Variants in WIPI1 observed in about 807,000 individuals in gnomAD.
WIPI1 encodes the protein WD repeat domain phosphoinositide-interacting protein 1.
WIPI1 carries 45 observed loss-of-function variants against 55.3 expected under a neutral mutation model. That is an observed-to-expected ratio of 0.81 (90% CI 0.64 to 1.04). The LOEUF (loss-of-function observed/expected upper bound fraction) is 1.04, where lower values mean the gene tolerates loss of function less well. Among genes scored for constraint, WIPI1 ranks in the 50% least tolerant of loss-of-function variants. The pLI is 0.00. For synonymous variants in WIPI1, 195 were observed against 217.6 expected, an observed-to-expected ratio of 0.90 and a Z score of 0.92; for missense variants, 445 against 559.0, an observed-to-expected ratio of 0.80 and a Z score of 2.06.
chr17:68,436,519 A>T (rs771370870), intron 4 of WIPI1, 40 bp from the exon 5 acceptor site: 1 of 1,589,822 alleles, frequency 6.3e-7, no homozygotes, highest in Non-Finnish European at 8.6e-7. Context: ...CCTGGGGCCA[A>T]GGGAGAGATT....
At chr17:68,434,837 C>T (rs79332103) in intron 6 of WIPI1, among the ~76,000 whole-genome samples, 96 of 152,218 alleles carry the variant, frequency 6.3e-4, no homozygotes, top group African/African-American at 2.2e-3. Context: ...TTCCCTTCCA[C>T]CTGTGCCCAA....
chr17:68,432,916 G>T (rs2083593203), intron 8 of WIPI1, among the ~76,000 whole-genome samples: 1 of 151,910 alleles, frequency 6.6e-6, no homozygotes, highest in Non-Finnish European at 1.5e-5. Context: ...CTCATTGTCT[G>T]CCCTGAAGTT....
intron 12 of WIPI1, chr17:68,422,731 C>CAAAAAAAAAAAAA (rs71142175): frequency 1.5e-5 from 1 of 66,420 alleles, no homozygotes; most frequent in Non-Finnish European, 2.6e-5. Context: ...TCTATCATCT[C>CAAAAAAAAAAAAA]AAAAAAAAAA....
chr17:68,438,245 C>CAGCCCTGT (rs1461954161), intron 4 of WIPI1, among the ~76,000 whole-genome samples: 3 of 152,158 alleles, frequency 2.0e-5, no homozygotes, highest in Non-Finnish European at 2.9e-5. Flanking sequence ...CACGTTCTGG[C>CAGCCCTGT]AGCCCTGCCA....
chr17:68,442,021 C>T (rs2084100629), intron 4 of WIPI1, among the ~76,000 whole-genome samples: 2 of 152,158 alleles, frequency 1.3e-5, no homozygotes, highest in South Asian at 4.1e-4. Context: ...AATCGATTCC[C>T]TTTACAAACA....
chr17:68,444,686 T>C (rs1010420416), intron 3 of WIPI1, 97 bp from the exon 4 acceptor site: 6 of 994,234 alleles, frequency 6.0e-6, no homozygotes, highest in Admixed American at 2.7e-5. Context: ...CCTAACTTGA[T>C]TCTAAGCCTA....
intron 12 of WIPI1, chr17:68,422,494 G>A (rs2082863177): frequency 6.6e-6 from 1 of 150,950 alleles, no homozygotes; most frequent in African/African-American, 2.4e-5. Flanking sequence ...CACTTTAGGA[G>A]GCTGAGGGGG....
intron 8 of WIPI1, among the ~76,000 whole-genome samples, chr17:68,430,415 C>T (rs565658509): frequency 6.6e-6 from 1 of 152,296 alleles, no homozygotes; most frequent in African/African-American, 2.4e-5. Context: ...CTGCTTTCCC[C>T]TATTAAAGAA....
chr17:68,449,556 T>C (rs2084416616), intron 3 of WIPI1, among the ~76,000 whole-genome samples: 4 of 152,124 alleles, frequency 2.6e-5, no homozygotes, highest in Admixed American at 2.6e-4. Context: ...TTTAGTACCA[T>C]CCCCCACCAT....
At chr17:68,447,183 G>C (rs2147968654) in intron 3 of WIPI1, among the ~76,000 whole-genome samples, 1 of 152,242 alleles carries the variant, frequency 6.6e-6, no homozygotes, top group South Asian at 2.1e-4. Flanking sequence ...GAGGCTTCGA[G>C]CCAATCAGCC....
chr17:68,434,324 C>T (rs2083678938), intron 7 of WIPI1, among the ~76,000 whole-genome samples: 1 of 152,196 alleles, frequency 6.6e-6, no homozygotes, highest in South Asian at 2.1e-4. Flanking sequence ...CGCCCACACA[C>T]ACATCAAAAA....
At chr17:68,426,657 G>A (rs140377798) in intron 11 of WIPI1, among the ~76,000 whole-genome samples, 205 of 152,146 alleles carry the variant, frequency 1.3e-3, no homozygotes, top group African/African-American at 4.7e-3. Flanking sequence ...CTCAGCCTCC[G>A]GAGTAGCTGG....
At position 68,427,313 on chromosome 17, in the gene WIPI1, C is replaced by G. The variant is rs568307307; in HGVS notation, c.1074-60G>C. On this transcript the variant is annotated intron_variant, in intron 10 of 12. Coordinates refer to ENST00000262139, the MANE Select transcript of WIPI1 (RefSeq NM_017983.7). Reference sequence around the variant, plus strand: ...AAGAAATCATCATATATCTAGGACACCTTCCAAAGGAAAAGCATGAAGAAG... The same window carrying G: ...AAGAAATCATCATATATCTAGGACAGCTTCCAAAGGAAAAGCATGAAGAAG... 1.1e-4 allele frequency: 143 copies of G among 1,287,014 alleles called. No individual in the cohort carries two copies. In the African/African-American group the frequency reaches 1.3e-3, roughly 12 times the overall value. The allele number at this position is 1,287,014 out of a possible 1,614,324, so 79.7% of individuals were successfully genotyped here. A position where few individuals can be genotyped will look rare whatever the true frequency, so the allele number is the denominator to read the frequency against.
Position 68,436,385 on chromosome 17 carries a change from G to C in WIPI1, c.525C>G (p.Ser175=), listed in dbSNP as rs184278095. 6.4e-5 allele frequency: 103 copies of C among 1,613,752 alleles called. No individual in the cohort carries two copies. The East Asian group carries it at 2.2e-3, about 34-fold the overall frequency. ...AGCCAGGTCACCGTCAACTTACCAG[G>C]GAGTTTCCATCATAAAGCACAATCT... ...SGEIVLYDGN[S]LKTVCTIAAH... Residue 175 remains serine (S), a synonymous_variant, in exon 5 of 13, where the codon TCC becomes TCG. Transcript: ENST00000262139.
chr17:68,433,440 AGCATTTGGT>A lies in WIPI1; in HGVS notation c.800+19_800+27del, dbSNP rs745425080. 13 of 1,597,314 alleles carry A rather than the reference AGCATTTGGT, an allele frequency of 8.1e-6. No individual in the cohort carries two copies. The Admixed American group carries it at 2.2e-4, about 27-fold the overall frequency. On this transcript the variant is annotated intron_variant, in intron 8 of 12. Coordinates refer to ENST00000262139, the MANE Select transcript of WIPI1 (RefSeq NM_017983.7). ...TAGGCCTGACTCCTTTCGTTTAATG[AGCATTTGGT>A]GCCCCGCGGAGTACTTGCCTGTTGG... is the stretch of plus-strand genomic sequence containing the variant.
chr17:68,421,679 G>C lies in WIPI1; in HGVS notation c.*94C>G. The C allele has an allele frequency of 6.4e-7, 1 of 1,565,266 alleles. No homozygotes were observed. The highest frequency in any genetic ancestry group is 2.2e-5 in the East Asian group (1 of 44,608). The stretch of plus-strand genomic sequence containing the variant: ...ACCCGGGATTCCTGCCCCCCTTTCT[G>C]CTCACACAATTGCACTCCATTCTTC... On this transcript the variant is annotated 3_prime_UTR_variant, in exon 13 of 13. Transcript: ENST00000262139.
At chr17:68,439,998 G>A (rs924209318) in intron 4 of WIPI1, among the ~76,000 whole-genome samples, 5 of 152,168 alleles carry the variant, frequency 3.3e-5, no homozygotes, top group African/African-American at 1.2e-4. Context: ...TTCCCAGAAG[G>A]GAAGAAACGT....
intron 6 of WIPI1, among the ~76,000 whole-genome samples, chr17:68,435,172 A>G (rs1600310916): frequency 2.7e-5 from 4 of 149,496 alleles, no homozygotes; most frequent in Admixed American, 6.8e-5. Flanking sequence ...GCGCCATTGC[A>G]CTCCAGCCTG....
At chr17:68,430,360 C>T (rs1013478255) in intron 8 of WIPI1, among the ~76,000 whole-genome samples, 200 bp from the exon 9 acceptor site, 7 of 152,174 alleles carry the variant, frequency 4.6e-5, no homozygotes, top group Admixed American at 1.3e-4. Context: ...CTTGTTTGTT[C>T]TTCAGAAGAG....
Sources: allele counts gnomAD v4.1 joint callset (sites outside exome capture counted in the v4.1 genomes callset), GRCh38; gene constraint gnomAD v4.1.1; transcripts MANE v1.5; gene names NCBI Gene and HGNC (gene_info 2026-07-23, HGNC 2026-07-21).